Variants in TRIM23 observed in about 807,000 individuals in gnomAD.
TRIM23 encodes the protein E3 ubiquitin-protein ligase TRIM23.
Under a neutral mutation model 71.0 loss-of-function variants are expected in TRIM23, and 27 were observed. That is an observed-to-expected ratio of 0.38 (90% confidence interval 0.28 to 0.52). The LOEUF (loss-of-function observed/expected upper bound fraction) is 0.52, where lower values mean the gene tolerates loss of function less well. TRIM23 is among the 20% of genes least tolerant of loss of function. The pLI, the probability that TRIM23 is intolerant of heterozygous loss-of-function variation, is 0.84. For synonymous variants in TRIM23, 234 were observed against 238.0 expected (o/e 0.98, Z 0.16); for missense variants, 482 against 692.3 (o/e 0.70, Z 3.41).
rs572466459 is a variant in TRIM23, at chr5:65,590,486, C to T, written c.*1283G>A. ...ACATCTTGTTACCAGACATCACTGT[C>T]CTTACAACAATTCAACTAATAAGAT... On this transcript the variant is annotated 3_prime_UTR_variant, in exon 11 of 11. Coordinates refer to ENST00000231524, the MANE Select transcript of TRIM23 (RefSeq NM_001656.4). 6.1e-5 allele frequency: 74 copies of T among 1,210,970 alleles called. No individual in the cohort carries two copies. In the African/African-American group the frequency reaches 1.1e-3, roughly 18 times the overall value. The allele number at this position is 1,210,970 out of a possible 1,614,324, so 75.0% of individuals were successfully genotyped here.
intron 2 of TRIM23, among the ~76,000 whole-genome samples, chr5:65,614,659 C>T (rs141297000): frequency 0.015 from 2,229 of 150,524 alleles, 47 homozygotes; most frequent in African/African-American, 0.052. Flanking sequence ...TGCTTGAACC[C>T]GGGAGGTGGA....
rs545473552 is a variant in TRIM23 at position 65,619,838 on chromosome 5, T to C, written c.82-1583A>G. Among the ~76,000 whole-genome samples the C allele has an allele frequency of 3.9e-5, 6 of 152,246 alleles. No homozygotes were observed. The East Asian group carries it at 1.2e-3, about 29-fold the overall frequency. ...GGTTCATGCCTGTAATCCCAACACT[T>C]TGGGAGGCCGAGGCGAGTGGATCAT... On this transcript the variant is annotated intron_variant, in intron 1 of 10. Coordinates refer to ENST00000231524, the MANE Select transcript of TRIM23 (RefSeq NM_001656.4).
intron 9 of TRIM23, 92 bp from the exon 10 acceptor site, chr5:65,594,737 G>T: frequency 8.4e-7 from 1 of 1,186,322 alleles, no homozygotes; most frequent in Non-Finnish European, 1.1e-6. Flanking sequence ...ATTATGTTAT[G>T]GTTAGAGTTT....
At chr5:65,596,580 AATGACAT>A in intron 8 of TRIM23, 49 bp from the exon 9 acceptor site, 2 of 1,126,034 alleles carry the variant, frequency 1.8e-6, no homozygotes, top group Non-Finnish European at 2.6e-6. Flanking sequence ...ATTTACAATG[AATGACAT>A]ATCAAACACA....
chr5:65,615,499 C>T (rs939692042), intron 2 of TRIM23, among the ~76,000 whole-genome samples: 23 of 148,694 alleles, frequency 1.5e-4, no homozygotes, highest in African/African-American at 5.8e-4. Flanking sequence ...GAGTCATTGC[C>T]TGCAGGGCCC....
chr5:65,620,912 CA>C (rs11411763), intron 1 of TRIM23, among the ~76,000 whole-genome samples: 1 of 149,510 alleles, frequency 6.7e-6, no homozygotes. Flanking sequence ...CCTGTCTCTA[CA>C]AAAAAAAATC....
Position 65,590,926 on chromosome 5 carries a change from C to G in TRIM23, c.*843G>C. ...TACTACATTTTACCTATAGTCATTC[C>G]CACAAAGGATGCAATATTATATTAG... On this transcript the variant is annotated 3_prime_UTR_variant, in exon 11 of 11. Coordinates refer to ENST00000231524, the MANE Select transcript of TRIM23 (RefSeq NM_001656.4). 2.0e-6 allele frequency: 2 copies of G among 984,924 alleles called. No individual in the cohort carries two copies. Among genetic ancestry groups the G allele is most frequent in the Non-Finnish European group, 2.4e-6 (2 of 829,620 alleles). The allele number at this position is 984,924 out of a possible 1,614,324, so 61.0% of individuals were successfully genotyped here. A position where few individuals can be genotyped will look rare whatever the true frequency, so the allele number is the denominator to read the frequency against.
intron 6 of TRIM23, chr5:65,607,129 T>C (rs1754529783): frequency 6.6e-6 from 1 of 152,248 alleles, no homozygotes; most frequent in Non-Finnish European, 1.5e-5. Context: ...TTTGTGATGT[T>C]CCATCCATTC....
At position 65,600,423 on chromosome 5, in the gene TRIM23, C is replaced by A. The variant is rs1042206969; in HGVS notation, c.1180-3243G>T. 3.3e-5 allele frequency among the ~76,000 whole-genome samples: 5 copies of A among 151,978 alleles called. No homozygotes were observed. The East Asian group carries it at 7.7e-4, about 23-fold the overall frequency. On this transcript the variant is annotated intron_variant, in intron 7 of 10. Transcript: ENST00000231524. ...CAGGACCACTCAATGAAAAGACAGT[C>A]TCTTCAATAAATGATGCTGGGGAAA... is the stretch of plus-strand genomic sequence containing the variant.
intron 1 of TRIM23, among the ~76,000 whole-genome samples, chr5:65,621,333 C>A (rs572296808): frequency 1.3e-5 from 2 of 152,272 alleles, no homozygotes; most frequent in African/African-American, 4.8e-5. Context: ...GCCTGGGCGA[C>A]AGAGTGAGGC....
At chr5:65,594,789 CAG>C in intron 9 of TRIM23, 144 bp from the exon 10 acceptor site, 1 of 665,280 alleles carries the variant, frequency 1.5e-6, no homozygotes, top group South Asian at 3.0e-5. Flanking sequence ...CCTAGTATGG[CAG>C]GGGCACCTAC....
chr5:65,618,118 T>C lies in TRIM23; in HGVS notation c.219A>G (p.Pro73=), dbSNP rs145875866. 1.2e-4 allele frequency: 197 copies of C among 1,612,874 alleles called. 2 individuals are homozygous for C. The South Asian group carries it at 1.8e-3, about 15-fold the overall frequency. ...CTAGGTCTGTTACTTGTCGATCAAATGGGCAACGGATTGCTCTTCCATGAA... is the reference window on the plus strand; with the variant it reads ...CTAGGTCTGTTACTTGTCGATCAAACGGGCAACGGATTGCTCTTCCATGAA... ...LPLHGRAIRC[P]FDRQVTDLGD... The change falls in exon 2 of 11, where the codon CCA becomes CCG. Residue 73 remains proline, a synonymous_variant. Transcript: ENST00000231524.
At chr5:65,605,890 T>C (rs979050684) in intron 6 of TRIM23, among the ~76,000 whole-genome samples, 2 of 152,184 alleles carry the variant, frequency 1.3e-5, no homozygotes, top group African/African-American at 4.8e-5. Flanking sequence ...GCTTTCTCTT[T>C]CCCGCATGCC....
chr5:65,601,851 C>T (rs891386237), intron 7 of TRIM23, among the ~76,000 whole-genome samples: 1 of 152,188 alleles, frequency 6.6e-6, no homozygotes, highest in Non-Finnish European at 1.5e-5. Context: ...CCGAGCTCTA[C>T]ATTGGCCCCT....
At chr5:65,602,228 C>T (rs1014703205) in intron 7 of TRIM23, among the ~76,000 whole-genome samples, 13 of 152,158 alleles carry the variant, frequency 8.5e-5, no homozygotes, top group African/African-American at 2.9e-4. Context: ...GAATGCTTTG[C>T]TGCTTAGCAA....
At chr5:65,621,180 A>T (rs1754931928) in intron 1 of TRIM23, among the ~76,000 whole-genome samples, 1 of 152,144 alleles carries the variant, frequency 6.6e-6, no homozygotes, top group Non-Finnish European at 1.5e-5. Context: ...GTGAAATCCC[A>T]TCTCTACCAA....
chr5:65,613,200 A>G (rs1471882359), intron 3 of TRIM23, among the ~76,000 whole-genome samples: 1 of 151,736 alleles, frequency 6.6e-6, no homozygotes, highest in Non-Finnish European at 1.5e-5. Flanking sequence ...TAAATAAATT[A>G]TAAACTATAA....
chr5:65,591,648 TA>T lies in TRIM23; in HGVS notation c.*120del. On this transcript the variant is annotated 3_prime_UTR_variant, in exon 11 of 11. Coordinates refer to ENST00000231524, the MANE Select transcript of TRIM23 (RefSeq NM_001656.4). ...GAATTCCCAATCCAAGATTCCTTTA[TA>T]TATATATATATATATATGCATCCTA... The T allele has an allele frequency of 1.3e-6, 1 of 780,068 alleles. No homozygotes were observed. The highest frequency in any genetic ancestry group is 1.7e-6 in the Non-Finnish European group (1 of 590,040). 48.3% of individuals were successfully genotyped at this position (780,068 alleles called of 1,614,324 possible).
rs1207586517 is a variant in TRIM23 at position 65,599,873 on chromosome 5, T to C, written c.1180-2693A>G. ...CTAATGTATTGTTCTGTTTTTGCAC[T>C]GCTATAAAGAAATACCTGAGACTGG... On this transcript the variant is annotated intron_variant, in intron 7 of 10. Coordinates refer to ENST00000231524, the MANE Select transcript of TRIM23 (RefSeq NM_001656.4). Among the ~76,000 whole-genome samples, 5 of 152,218 alleles carry C rather than the reference T, an allele frequency of 3.3e-5. No homozygotes were observed. The East Asian group carries it at 9.6e-4, about 29-fold the overall frequency.
Sources: gnomAD v4.1 joint callset for allele counts (sites outside exome capture counted in the v4.1 genomes callset) on GRCh38, gnomAD v4.1.1 for gene constraint, MANE v1.5 for transcripts, NCBI Gene and HGNC (gene_info 2026-07-23, HGNC 2026-07-21) for gene names.